The following NEMP2 variants were observed in gnomAD, a reference collection of about 807,000 sequenced individuals.
The protein encoded by NEMP2 is nuclear envelope integral membrane protein 2.
In NEMP2, 53 loss-of-function variants were observed where a neutral mutation model predicts 54.2. The ratio of observed to expected loss-of-function variants is 0.98; its 90% CI spans 0.78 to 1.23. NEMP2 has a LOEUF of 1.23. Ranked by LOEUF, NEMP2 falls within the 50% of genes most tolerant of loss-of-function variation. The pLI, the probability that NEMP2 is intolerant of heterozygous loss-of-function variation, is 0.00. For synonymous variants in NEMP2, 197 were observed against 190.3 expected (o/e 1.04, Z -0.29); for missense variants, 455 against 511.3 (o/e 0.89, Z 1.06).
rs1690806875 is a variant in NEMP2 at position 190,523,053 on chromosome 2, A to T, written c.213+2210T>A. ...GTCACTCATATTTGGCTCAGAATAA[A>T]TCTCTTCAAATATTTTATAGAGTGG... On this transcript the variant is annotated intron_variant, in intron 2 of 8. Coordinates refer to ENST00000409150, the MANE Select transcript of NEMP2 (RefSeq NM_001142645.2). This position sits in a 1 kb window ranked among gnomAD's most constrained non-coding sequence, Gnocchi z 5.3. Among the ~76,000 whole-genome samples, 1 of 152,188 alleles carries T rather than the reference A, an allele frequency of 6.6e-6. No homozygotes were observed. The highest frequency in any genetic ancestry group is 2.1e-4 in the South Asian group (1 of 4,832).
At chr2:190,634,426 A>C in the NEMP2 span, among the ~76,000 whole-genome samples, 1 of 152,212 alleles carries the variant, frequency 6.6e-6, no homozygotes, top group African/African-American at 2.4e-5. This position sits in a 1 kb window ranked among gnomAD's most constrained non-coding sequence, Gnocchi z 6.8. Flanking sequence ...TATACAAAAT[A>C]AGAGAAACAA....
At chr2:190,475,342 A>T in the NEMP2 span, among the ~76,000 whole-genome samples, 1 of 152,218 alleles carries the variant, frequency 6.6e-6, no homozygotes, top group Non-Finnish European at 1.5e-5. Context: ...AAATCTCCTT[A>T]AGCTGATAGG....
At chr2:190,475,002 C>T in the NEMP2 span, among the ~76,000 whole-genome samples, 2 of 151,912 alleles carry the variant, frequency 1.3e-5, no homozygotes, top group Admixed American at 1.3e-4. Flanking sequence ...AAAGCCTTTG[C>T]AAAATTCAAC....
At chr2:190,466,396 C>T in the NEMP2 span, among the ~76,000 whole-genome samples, 1 of 152,178 alleles carries the variant, frequency 6.6e-6, no homozygotes. Flanking sequence ...TTTCATAGAT[C>T]CAAATGCTGT....
the NEMP2 span, among the ~76,000 whole-genome samples, chr2:190,493,896 C>T: frequency 1.3e-5 from 2 of 151,972 alleles, no homozygotes; most frequent in Admixed American, 1.3e-4. Context: ...AGCCTAAATG[C>T]CTACATCAAA....
chr2:190,647,710 C>CTTCT, the NEMP2 span, among the ~76,000 whole-genome samples: 2 of 102,384 alleles, frequency 2.0e-5, no homozygotes, highest in African/African-American at 7.6e-5. Context: ...TCTTCTTCTT[C>CTTCT]TTTTTTTTTT....
Position 190,516,342 on chromosome 2 carries a change from A to T in NEMP2, c.655T>A (p.Ser219Thr), listed in dbSNP as rs1690555265. The T allele has an allele frequency of 6.4e-7, 1 of 1,551,534 alleles. No homozygotes were observed. The highest frequency in any genetic ancestry group is 2.0e-5 in the Admixed American group (1 of 50,966). The change falls in exon 6 of 9, where the codon TCA (serine) becomes ACA (threonine). Residue 219 changes from serine (S) to threonine (T), a missense_variant. Coordinates refer to ENST00000409150, the MANE Select transcript of NEMP2 (RefSeq NM_001142645.2). ...ATCAACTGGCATACAATATAAACTG[A>T]GGCAAACCAACAACCAACCATTAGA... ...WALMVGCWFA[S>T]VYIVCQLMED...
downstream of NEMP2, among the ~76,000 whole-genome samples, chr2:190,502,681 C>T (rs1690076727): frequency 1.3e-5 from 2 of 152,312 alleles, no homozygotes; most frequent in East Asian, 1.9e-4. The surrounding 1 kb of genome is among the most constrained non-coding windows in gnomAD (Gnocchi z 4.4). Context: ...TTGGCAATTC[C>T]TTCCAGTACT....
At chr2:190,607,207 T>C in the NEMP2 span, among the ~76,000 whole-genome samples, 1 of 152,306 alleles carries the variant, frequency 6.6e-6, no homozygotes, top group African/African-American at 2.4e-5. The surrounding 1 kb of genome is among the most constrained non-coding windows in gnomAD (Gnocchi z 5.2). Context: ...CAGGAGAGGA[T>C]AAATGACAAG....
the NEMP2 span, among the ~76,000 whole-genome samples, chr2:190,445,165 C>T: frequency 6.6e-6 from 1 of 152,092 alleles, no homozygotes; most frequent in Non-Finnish European, 1.5e-5. Context: ...TTTTATTCAT[C>T]TGTAAATCTG....
At chr2:190,624,596 G>T in the NEMP2 span, 2 of 152,150 alleles carry the variant, frequency 1.3e-5, no homozygotes, top group Non-Finnish European at 2.9e-5. Flanking sequence ...AAGAAAATGT[G>T]GTACATATAC....
the NEMP2 span, among the ~76,000 whole-genome samples, chr2:190,585,284 A>G: frequency 4.6e-5 from 7 of 152,234 alleles, no homozygotes; most frequent in African/African-American, 1.7e-4. This position sits in a 1 kb window ranked among gnomAD's most constrained non-coding sequence, Gnocchi z 5.3. Flanking sequence ...TACCCACTGT[A>G]TAAAGTAATG....
Position 190,514,553 on chromosome 2 carries a change from C to T in NEMP2, c.853G>A (p.Ala285Thr). Residue 285 changes from alanine to threonine, a missense_variant, in exon 7 of 9, where the codon GCT (alanine) becomes ACT (threonine). Ala to Thr is a moderately conservative substitution (Grantham distance 58). Around this residue, in one of 3 missense-constraint regions of NEMP2, gnomAD observed 294 missense variants for 333.6 expected, o/e 0.88. Coordinates refer to ENST00000409150, the MANE Select transcript of NEMP2 (RefSeq NM_001142645.2). The surrounding 1 kb of genome is among the most constrained non-coding windows in gnomAD (Gnocchi z 5.7). The part of the protein sequence containing the change: ...LRLLSLVLVY[A>T]GVAVPQFAYA... ...GCAAACTGAGGCACGGCCACACCAG[C>T]ATAGACCAGAACCAGGGAGAGGAGT... 6.4e-7 allele frequency: 1 copy of T among 1,551,740 alleles called. No homozygotes were observed. Among genetic ancestry groups the T allele is most frequent in the Non-Finnish European group, 8.7e-7 (1 of 1,146,996 alleles).
chr2:190,447,830 A>G, the NEMP2 span, among the ~76,000 whole-genome samples: 1 of 152,224 alleles, frequency 6.6e-6, no homozygotes, highest in Non-Finnish European at 1.5e-5. This position sits in a 1 kb window ranked among gnomAD's most constrained non-coding sequence, Gnocchi z 4.5. Flanking sequence ...GAATTGAAAG[A>G]TAATCATTTG....
At chr2:190,637,995 G>C in the NEMP2 span, among the ~76,000 whole-genome samples, 1 of 152,194 alleles carries the variant, frequency 6.6e-6, no homozygotes, top group Non-Finnish European at 1.5e-5. The surrounding 1 kb of genome is among the most constrained non-coding windows in gnomAD (Gnocchi z 4.5). Flanking sequence ...GCAGACATCA[G>C]TAACACACTG....
In NEMP2 at chr2:190,514,470, T is replaced by G. The variant is rs749472422; in HGVS notation, c.936A>C (p.Ala312=). The G allele has an allele frequency of 2.6e-6, 4 of 1,551,232 alleles. No homozygotes were observed. In the East Asian group the frequency reaches 7.3e-5, roughly 28 times the overall value. Residue 312 remains alanine (A), a synonymous_variant, in exon 7 of 9, where the codon GCA becomes GCC. Transcript: ENST00000409150. This position sits in a 1 kb window ranked among gnomAD's most constrained non-coding sequence, Gnocchi z 5.7. ...SSWSLHYPLR[A]CSYMRWKMEQ... ...ATACATACCACCTCATATAACTGCA[T>G]GCTCTCAGTGGGTAGTGCAGACTCC...
the NEMP2 span, among the ~76,000 whole-genome samples, chr2:190,446,081 C>T: frequency 6.6e-6 from 1 of 152,100 alleles, no homozygotes; most frequent in African/African-American, 2.4e-5. Context: ...CTTAAAAAAT[C>T]CTACCCAAAC....
chr2:190,542,492 G>A, the NEMP2 span, among the ~76,000 whole-genome samples: 16 of 152,210 alleles, frequency 1.1e-4, no homozygotes, highest in Non-Finnish European at 1.5e-4. The surrounding 1 kb of genome is among the most constrained non-coding windows in gnomAD (Gnocchi z 4.6). Flanking sequence ...GATTACAGGT[G>A]TGAGCCACTG....
the NEMP2 span, among the ~76,000 whole-genome samples, chr2:190,637,829 T>A: frequency 6.6e-6 from 1 of 152,224 alleles, no homozygotes; most frequent in Non-Finnish European, 1.5e-5. The surrounding 1 kb of genome is among the most constrained non-coding windows in gnomAD (Gnocchi z 4.5). Flanking sequence ...TTTCTTGTGC[T>A]TATAGGCTTA....
Sources: allele counts gnomAD v4.1 joint callset (sites outside exome capture counted in the v4.1 genomes callset), GRCh38; gene constraint gnomAD v4.1.1; regional missense constraint gnomAD v4.1.1; non-coding constraint Gnocchi (gnomAD v3.1); transcripts MANE v1.5; gene names NCBI Gene and HGNC (gene_info 2026-07-23, HGNC 2026-07-21).